RAD51B: variants seen among roughly 807,000 people sequenced by gnomAD.
RAD51B encodes DNA repair protein RAD51 homolog 2.
RAD51B carries 38 observed loss-of-function variants against 42.2 expected under a neutral mutation model. The observed-to-expected ratio is 0.90, with a 90% confidence interval of 0.70 to 1.18. The LOEUF is 1.18. Ranked by LOEUF, RAD51B falls within the 50% of genes most tolerant of loss-of-function variation. The pLI, the probability that RAD51B is intolerant of heterozygous loss-of-function variation, is 0.00. For synonymous variants in RAD51B, 154 were observed against 145.2 expected (o/e 1.06, Z -0.43); for missense variants, 373 against 400.7 (o/e 0.93, Z 0.59).
At chr14:68,613,696 C>T (rs78300063), downstream of RAD51B, among the ~76,000 whole-genome samples, 87,659 of 151,266 alleles carry the variant, frequency 0.58, 25,532 homozygotes, top group South Asian at 0.69. Flanking sequence ...CTTTGTGATC[C>T]ACCCGCCTTG....
At chr14:68,629,661 C>A (rs1457808691) in intron 10 of RAD51B, among the ~76,000 whole-genome samples, 1 of 152,150 alleles carries the variant, frequency 6.6e-6, no homozygotes, top group African/African-American at 2.4e-5. Flanking sequence ...TTTTGTGATG[C>A]CTGTTTGAGG....
At chr14:67,869,959 C>T (rs936300003) in intron 5 of RAD51B, among the ~76,000 whole-genome samples, 18 of 151,618 alleles carry the variant, frequency 1.2e-4, no homozygotes, top group South Asian at 4.2e-4. Context: ...AAGGAACAAC[C>T]GGTACCAGCC....
At chr14:67,987,275 C>T (rs2075210853) in intron 7 of RAD51B, among the ~76,000 whole-genome samples, 1 of 152,046 alleles carries the variant, frequency 6.6e-6, no homozygotes, top group Non-Finnish European at 1.5e-5. Context: ...AGTAGTAGGT[C>T]TTATTCATTT....
chr14:67,839,962 A>T (rs1007150181), intron 4 of RAD51B, among the ~76,000 whole-genome samples: 16 of 152,112 alleles, frequency 1.1e-4, no homozygotes, highest in African/African-American at 1.9e-4. Context: ...AATTAAAAAA[A>T]TTTATTTTAA....
chr14:68,087,945 TTA>T (rs1292338466), intron 7 of RAD51B, among the ~76,000 whole-genome samples: 9 of 113,024 alleles, frequency 8.0e-5, no homozygotes, highest in African/African-American at 3.5e-4. Flanking sequence ...TAATTTATTA[TTA>T]TATATAATTA....
intron 7 of RAD51B, among the ~76,000 whole-genome samples, chr14:68,170,795 A>G (rs944151198): frequency 2.0e-5 from 3 of 152,146 alleles, no homozygotes; most frequent in African/African-American, 7.2e-5. Context: ...GGCTGAATCT[A>G]TTTTTTCATG....
chr14:68,103,745 C>T (rs2077330296), intron 7 of RAD51B, among the ~76,000 whole-genome samples: 2 of 152,086 alleles, frequency 1.3e-5, no homozygotes, highest in African/African-American at 4.8e-5. Flanking sequence ...ATATTCTTGA[C>T]TGTTTCAGAC....
chr14:68,408,968 G>GA (rs537128277), intron 8 of RAD51B, among the ~76,000 whole-genome samples: 69 of 149,110 alleles, frequency 4.6e-4, no homozygotes, highest in African/African-American at 1.2e-3. Flanking sequence ...AATCTATAGA[G>GA]AAAAAAAAAA....
chr14:68,672,104 T>C (rs1425108509), intron 11 of RAD51B, among the ~76,000 whole-genome samples: 2 of 152,198 alleles, frequency 1.3e-5, no homozygotes, highest in African/African-American at 4.8e-5. Context: ...CAGTGACATG[T>C]TTGAAGCTGT....
intron 10 of RAD51B, among the ~76,000 whole-genome samples, chr14:68,640,183 A>T (rs1486283249): frequency 6.6e-6 from 1 of 152,034 alleles, no homozygotes; most frequent in African/African-American, 2.4e-5. Context: ...GGCATGTGTG[A>T]TGACATTAGC....
intron 10 of RAD51B, among the ~76,000 whole-genome samples, chr14:68,569,209 A>T (rs964617845): frequency 6.6e-6 from 1 of 152,224 alleles, no homozygotes; most frequent in Admixed American, 6.5e-5. Flanking sequence ...CCCCGGAGGA[A>T]TGGGCCAGAG....
rs1167940121 is a variant in RAD51B at position 68,379,037 on chromosome 14, TA to T, written c.854-32386del. On this transcript the variant is annotated intron_variant, in intron 8 of 10. Coordinates refer to ENST00000471583, the MANE Select transcript of RAD51B (RefSeq NM_133510.4). ...CAACAAATACATACTAGGTACCTGTTATTTGCCATATGTGCTGCTTTATTGT... is the reference window on the plus strand; with the variant it reads ...CAACAAATACATACTAGGTACCTGTTTTTGCCATATGTGCTGCTTTATTGT... Among the ~76,000 whole-genome samples, 2 of 152,210 alleles carry T rather than the reference TA, an allele frequency of 1.3e-5. 1 individual carries two copies. Among genetic ancestry groups the T allele is most frequent in the East Asian group, 3.8e-4 (2 of 5,196 alleles).
At chr14:68,239,463 C>G (rs2080337173) in intron 7 of RAD51B, among the ~76,000 whole-genome samples, 1 of 152,182 alleles carries the variant, frequency 6.6e-6, no homozygotes, top group African/African-American at 2.4e-5. Context: ...TCATCCTGCT[C>G]CAGCCTCAGC....
chr14:68,157,731 T>A (rs962297921), intron 7 of RAD51B, among the ~76,000 whole-genome samples: 1 of 152,228 alleles, frequency 6.6e-6, no homozygotes, highest in Admixed American at 6.5e-5. Context: ...AATAACAAAC[T>A]ATTATTTTTT....
rs1013038461 is a variant in RAD51B at position 68,499,313 on chromosome 14, A to G, written c.1036+31063A>G. ...AAGAACTTGTTTTCACTCCCTGCCA[A>G]TGAGTAAAGAATGAAGAGCTAGATT... On this transcript the variant is annotated intron_variant, in intron 10 of 10. Coordinates refer to the RAD51B transcript ENST00000487270. 6.6e-5 allele frequency among the ~76,000 whole-genome samples: 10 copies of G among 152,274 alleles called. No individual in the cohort carries two copies. The South Asian group carries it at 1.2e-3, about 19-fold the overall frequency.
chr14:68,558,049 G>A (rs569104281), intron 10 of RAD51B, among the ~76,000 whole-genome samples: 2 of 152,246 alleles, frequency 1.3e-5, no homozygotes, highest in South Asian at 2.1e-4. Context: ...ATAAATTTAC[G>A]CCACCCCATG....
intron 7 of RAD51B, among the ~76,000 whole-genome samples, chr14:68,181,014 A>G (rs1229038960): frequency 6.6e-6 from 1 of 152,254 alleles, no homozygotes; most frequent in Non-Finnish European, 1.5e-5. Context: ...TTAGAAGGGC[A>G]CATAGCCTAA....
At chr14:68,510,528 G>A (rs1594928139) in intron 10 of RAD51B, among the ~76,000 whole-genome samples, 1 of 152,202 alleles carries the variant, frequency 6.6e-6, no homozygotes, top group Non-Finnish European at 1.5e-5. Context: ...GGTCCTGTTG[G>A]GGGGCTCTGG....
At chr14:68,401,384 TG>T (rs2084099760) in intron 8 of RAD51B, among the ~76,000 whole-genome samples, 1 of 152,216 alleles carries the variant, frequency 6.6e-6, no homozygotes, top group Non-Finnish European at 1.5e-5. Context: ...GTGGAGTTGT[TG>T]AGTGATTTGT....
Sources: allele counts gnomAD v4.1 joint callset (sites outside exome capture counted in the v4.1 genomes callset), GRCh38; gene constraint gnomAD v4.1.1; transcripts MANE v1.5; gene names NCBI Gene and HGNC (gene_info 2026-07-23, HGNC 2026-07-21).